NF2: variants seen among roughly 807,000 people sequenced by gnomAD.
The protein encoded by NF2 is merlin.
In NF2, 8 loss-of-function variants were observed where a neutral mutation model predicts 83.7. The ratio of observed to expected loss-of-function variants is 0.10; its 90% CI spans 0.06 to 0.17. The LOEUF (loss-of-function observed/expected upper bound fraction) is 0.17. Among genes scored for constraint, NF2 ranks in the 10% least tolerant of loss-of-function variants. NF2 has a pLI of 1.00. For synonymous variants in NF2, 266 were observed against 269.6 expected, an observed-to-expected ratio of 0.99 and a Z score of 0.13; for missense variants, 533 against 744.4, an observed-to-expected ratio of 0.72 and a Z score of 3.31.
intron 4 of NF2, among the ~76,000 whole-genome samples, chr22:29,652,634 T>C (rs1428050024): frequency 6.6e-6 from 1 of 152,186 alleles, no homozygotes; most frequent in African/African-American, 2.4e-5. Flanking sequence ...GCTGGTCTTA[T>C]TTAATTAAAT....
chr22:29,627,371 C>G (rs1356127285), intron 1 of NF2, among the ~76,000 whole-genome samples: 5 of 152,206 alleles, frequency 3.3e-5, no homozygotes, highest in African/African-American at 1.2e-4. Context: ...GAGCTAAATT[C>G]CAAAGATATT....
intron 11 of NF2, among the ~76,000 whole-genome samples, chr22:29,672,872 A>C (rs1242166217): frequency 6.6e-6 from 1 of 151,904 alleles, no homozygotes; most frequent in African/African-American, 2.4e-5. Context: ...TGCCCGCCTC[A>C]GCCTCCCAAA....
intron 1 of NF2, among the ~76,000 whole-genome samples, chr22:29,635,570 C>T (rs1231031625): frequency 6.6e-6 from 1 of 152,250 alleles, no homozygotes; most frequent in East Asian, 1.9e-4. Context: ...CCTCATGATT[C>T]GCCTGCCTCA....
At chr22:29,624,240 C>G (rs888215297) in intron 1 of NF2, among the ~76,000 whole-genome samples, 5 of 152,108 alleles carry the variant, frequency 3.3e-5, no homozygotes, top group Non-Finnish European at 7.4e-5. Context: ...CGGAATCTCC[C>G]TCTGTTGCCC....
intron 9 of NF2, among the ~76,000 whole-genome samples, chr22:29,665,660 A>G (rs988137166): frequency 6.6e-6 from 1 of 151,698 alleles, no homozygotes; most frequent in Non-Finnish European, 1.5e-5. Context: ...CCACAACCCC[A>G]CTTTAAGAAA....
chr22:29,619,055 C>A (rs1315489612), intron 1 of NF2, among the ~76,000 whole-genome samples: 2 of 151,946 alleles, frequency 1.3e-5, no homozygotes, highest in African/African-American at 4.8e-5. Flanking sequence ...CTGTTATCTA[C>A]CTTTTTTTTT....
chr22:29,657,458 G>A (rs1010436373), intron 6 of NF2, among the ~76,000 whole-genome samples: 12 of 152,160 alleles, frequency 7.9e-5, no homozygotes, highest in African/African-American at 2.9e-4. Context: ...ACCAATTTAC[G>A]TCAATGTGCA....
At chr22:29,632,113 T>C (rs542114236) in intron 1 of NF2, among the ~76,000 whole-genome samples, 55 of 152,234 alleles carry the variant, frequency 3.6e-4, no homozygotes, top group Non-Finnish European at 7.1e-4. Flanking sequence ...GTAGAGTTAG[T>C]TGACAAAGAA....
intron 1 of NF2, among the ~76,000 whole-genome samples, chr22:29,610,643 CAAAA>C (rs547702227): frequency 1.0e-5 from 1 of 95,566 alleles, no homozygotes; most frequent in Non-Finnish European, 2.1e-5. Flanking sequence ...GACTCCATCT[CAAAA>C]AAAAAAAAAA....
intron 1 of NF2, among the ~76,000 whole-genome samples, chr22:29,628,396 T>C (rs1601563494): frequency 6.6e-6 from 1 of 152,008 alleles, no homozygotes; most frequent in African/African-American, 2.4e-5. Context: ...TTTGCTGACA[T>C]GGGAGGACAT....
intron 1 of NF2, among the ~76,000 whole-genome samples, chr22:29,633,037 A>G (rs979294449): frequency 2.6e-5 from 4 of 152,174 alleles, no homozygotes; most frequent in African/African-American, 7.2e-5. Context: ...TTGTTTTTAA[A>G]GAAGTAGAAA....
intron 3 of NF2, among the ~76,000 whole-genome samples, 183 bp downstream of exon 3, chr22:29,639,395 A>G (rs940481969): frequency 2.0e-5 from 3 of 152,176 alleles, no homozygotes; most frequent in African/African-American, 7.2e-5. Context: ...TGAGTGATGA[A>G]AATTGGTGTC....
At chr22:29,649,738 G>C (rs56246484) in intron 4 of NF2, among the ~76,000 whole-genome samples, 2 of 148,820 alleles carry the variant, frequency 1.3e-5, no homozygotes, top group African/African-American at 5.0e-5. Context: ...GTGAGACTCT[G>C]TCTGAAAAAT....
intron 9 of NF2, among the ~76,000 whole-genome samples, chr22:29,667,496 T>A (rs1378060136): frequency 6.6e-6 from 1 of 152,110 alleles, no homozygotes; most frequent in Admixed American, 6.6e-5. Flanking sequence ...CTGCCTCCCC[T>A]TCCCAAAGTG....
chr22:29,664,392 C>T (rs1340421503), intron 8 of NF2, among the ~76,000 whole-genome samples: 1 of 152,000 alleles, frequency 6.6e-6, no homozygotes, highest in Non-Finnish European at 1.5e-5. Context: ...CACACACACA[C>T]ACACACACAC....
intron 1 of NF2, among the ~76,000 whole-genome samples, chr22:29,633,600 C>T (rs1377072501): frequency 6.6e-6 from 1 of 152,162 alleles, no homozygotes; most frequent in African/African-American, 2.4e-5. Context: ...GACTCGTCTG[C>T]TCAAGGGTCT....
chr22:29,611,080 A>T (rs1374149945), intron 1 of NF2, among the ~76,000 whole-genome samples: 2 of 152,206 alleles, frequency 1.3e-5, no homozygotes, highest in Admixed American at 6.5e-5. Context: ...AACAAAAATC[A>T]CCTTGTCATC....
At chr22:29,614,643 A>T (rs2065038309) in intron 1 of NF2, among the ~76,000 whole-genome samples, 1 of 151,434 alleles carries the variant, frequency 6.6e-6, no homozygotes, top group Non-Finnish European at 1.5e-5. Context: ...GCTACTTGGG[A>T]GGCTGAGGCA....
intron 4 of NF2, among the ~76,000 whole-genome samples, chr22:29,643,772 T>C (rs887370167): frequency 1.3e-5 from 2 of 152,336 alleles, no homozygotes; most frequent in African/African-American, 2.4e-5. Flanking sequence ...AAGCCGCCAT[T>C]GTCATCCTGG....
Sources: gnomAD v4.1 joint callset for allele counts (sites outside exome capture counted in the v4.1 genomes callset) on GRCh38, gnomAD v4.1.1 for gene constraint, MANE v1.5 for transcripts, NCBI Gene and HGNC (gene_info 2026-07-23, HGNC 2026-07-21) for gene names.